Variants in RAPGEF2 observed in about 807,000 individuals in gnomAD.
RAPGEF2 encodes Rap guanine nucleotide exchange factor 2.
Under a neutral mutation model 186.7 loss-of-function variants are expected in RAPGEF2, and 54 were observed. That is an observed-to-expected ratio of 0.29 (90% confidence interval 0.23 to 0.36). RAPGEF2 has a LOEUF of 0.36. Among genes scored for constraint, RAPGEF2 ranks in the 10% least tolerant of loss-of-function variants. The pLI is 1.00. For missense variants in RAPGEF2, 1,532 were observed against 2,045.0 expected, an observed-to-expected ratio of 0.75 and a Z score of 4.84; for synonymous variants, 712 against 705.9, an observed-to-expected ratio of 1.01 and a Z score of -0.14.
At chr4:159,308,737 T>C (rs931541099) in intron 8 of RAPGEF2, among the ~76,000 whole-genome samples, 23 of 152,126 alleles carry the variant, frequency 1.5e-4, no homozygotes, top group African/African-American at 5.1e-4. Context: ...TCTTAGTCAT[T>C]CTTAATTACT....
At chr4:159,316,946 C>T (rs1473760232) in intron 9 of RAPGEF2, among the ~76,000 whole-genome samples, 2 of 152,180 alleles carry the variant, frequency 1.3e-5, no homozygotes, top group South Asian at 2.1e-4. Flanking sequence ...CATCCTTCCA[C>T]GAGATTTCCA....
rs144376230 is a variant in RAPGEF2, at chr4:159,268,585, G to A, written c.543+24794G>A. On this transcript the variant is annotated intron_variant, in intron 7 of 29. Transcript: ENST00000691494. ...AATCATCAGAAAGGTTATTGAGAACGGGAATCTATAGTGAGGAATTCGCAT... is the reference window on the plus strand; with the variant it reads ...AATCATCAGAAAGGTTATTGAGAACAGGAATCTATAGTGAGGAATTCGCAT... Among the ~76,000 whole-genome samples, 1,258 of 152,132 alleles carry A rather than the reference G, an allele frequency of 8.3e-3. 50 individuals are homozygous for A. The highest frequency in any genetic ancestry group is 0.075 in the Admixed American group (1,153 of 15,276).
chr4:159,114,713 A>G (rs967809270), intron 1 of RAPGEF2, among the ~76,000 whole-genome samples: 2 of 152,226 alleles, frequency 1.3e-5, no homozygotes, highest in African/African-American at 4.8e-5. Context: ...AGCAAAATAG[A>G]AAAATTGTGG....
chr4:159,345,857 T>A (rs1376477034), intron 24 of RAPGEF2, among the ~76,000 whole-genome samples: 10 of 152,168 alleles, frequency 6.6e-5, no homozygotes, highest in African/African-American at 2.4e-4. Context: ...GGCAGTTTTT[T>A]TTTTTTTCTA....
intron 8 of RAPGEF2, among the ~76,000 whole-genome samples, chr4:159,305,054 T>C (rs1018942754): frequency 6.6e-6 from 1 of 152,192 alleles, no homozygotes; most frequent in Non-Finnish European, 1.5e-5. Flanking sequence ...ATTGCATATA[T>C]GTACTGTACT....
intron 8 of RAPGEF2, among the ~76,000 whole-genome samples, chr4:159,311,931 T>G (rs564889055): frequency 4.6e-5 from 7 of 152,306 alleles, no homozygotes. Flanking sequence ...TTTGGTTTAG[T>G]AAATGTTATT....
intron 2 of RAPGEF2, 52 bp downstream of exon 2, chr4:159,186,764 T>G: frequency 9.7e-7 from 1 of 1,034,288 alleles, no homozygotes; most frequent in Non-Finnish European, 1.4e-6. Context: ...ATTTGAAGCA[T>G]GTAACAATTT....
At chr4:159,211,428 A>T (rs1750518166) in intron 4 of RAPGEF2, among the ~76,000 whole-genome samples, 1 of 152,204 alleles carries the variant, frequency 6.6e-6, no homozygotes, top group Non-Finnish European at 1.5e-5. Context: ...ATTTTAAATT[A>T]CTAAATAAAT....
intron 1 of RAPGEF2, among the ~76,000 whole-genome samples, chr4:159,170,741 T>G (rs1018204923): frequency 2.0e-5 from 3 of 152,230 alleles, no homozygotes; most frequent in Non-Finnish European, 2.9e-5. Context: ...TTGATTTTGT[T>G]GCCTTTACTT....
intron 9 of RAPGEF2, among the ~76,000 whole-genome samples, chr4:159,320,121 T>C (rs1255525967): frequency 6.6e-6 from 1 of 152,188 alleles, no homozygotes; most frequent in African/African-American, 2.4e-5. Context: ...TAGGTAATAG[T>C]ATCATAGTTT....
chr4:159,159,714 A>G (rs568749567), intron 1 of RAPGEF2, among the ~76,000 whole-genome samples: 2 of 152,360 alleles, frequency 1.3e-5, no homozygotes, highest in East Asian at 3.9e-4. Context: ...ATTCAAGATT[A>G]TAATAACAAT....
In RAPGEF2 at chr4:159,211,314, GGTT is replaced by G. The variant is rs200955975; in HGVS notation, c.281+732_281+734del. 4.5e-3 allele frequency among the ~76,000 whole-genome samples: 688 copies of G among 152,256 alleles called. 6 individuals are homozygous for G. Among genetic ancestry groups the G allele is most frequent in the African/African-American group, 0.015 (634 of 41,514 alleles). Reference sequence around the variant, plus strand: ...TTACATACATGATTGCCTAGATTCAGGTTCCCCAAGGGTGTCAGCTACTGAGTT... The same window carrying G: ...TTACATACATGATTGCCTAGATTCAGCCCCAAGGGTGTCAGCTACTGAGTT... On this transcript the variant is annotated intron_variant, in intron 4 of 29. Transcript: ENST00000691494.
At chr4:159,139,042 A>G (rs749280318) in intron 1 of RAPGEF2, among the ~76,000 whole-genome samples, 1 of 152,222 alleles carries the variant, frequency 6.6e-6, no homozygotes, top group Non-Finnish European at 1.5e-5. Context: ...TGAATATGGC[A>G]TAAGTCATAA....
intron 13 of RAPGEF2, chr4:159,330,736 T>C: frequency 2.4e-6 from 1 of 416,660 alleles, no homozygotes; most frequent in Middle Eastern, 6.2e-4. Flanking sequence ...GCCAATAAAT[T>C]GGCCACCAAA....
chr4:159,253,395 C>T (rs576015726), intron 7 of RAPGEF2, among the ~76,000 whole-genome samples: 66 of 152,192 alleles, frequency 4.3e-4, no homozygotes, highest in South Asian at 3.1e-3. Context: ...TGAATTTTGG[C>T]GCATTATACA....
chr4:159,261,914 G>A (rs767976771), intron 7 of RAPGEF2, among the ~76,000 whole-genome samples: 4 of 152,114 alleles, frequency 2.6e-5, no homozygotes, highest in Non-Finnish European at 5.9e-5. Context: ...TAATATTCAT[G>A]TAGGTCTTTA....
chr4:159,300,981 G>A (rs1426143113), intron 7 of RAPGEF2, among the ~76,000 whole-genome samples: 1 of 152,128 alleles, frequency 6.6e-6, no homozygotes, highest in Non-Finnish European at 1.5e-5. Flanking sequence ...GAGTGTCATG[G>A]CAGAGTCAAA....
At chr4:159,119,759 CTG>C (rs1210006163) in intron 1 of RAPGEF2, among the ~76,000 whole-genome samples, 1 of 152,132 alleles carries the variant, frequency 6.6e-6, no homozygotes, top group Non-Finnish European at 1.5e-5. Flanking sequence ...AAAACACTGT[CTG>C]TAATGTAAAT....
intron 25 of RAPGEF2, among the ~76,000 whole-genome samples, chr4:159,348,199 CGACAGAGCAA>C (rs1730621715): frequency 6.8e-6 from 1 of 147,964 alleles, no homozygotes; most frequent in African/African-American, 2.6e-5. Context: ...CCAGCCTGGG[CGACAGAGCAA>C]GACTCTGTCG....
Sources: gnomAD v4.1 joint callset for allele counts (sites outside exome capture counted in the v4.1 genomes callset) on GRCh38, gnomAD v4.1.1 for gene constraint, MANE v1.5 for transcripts, NCBI Gene and HGNC (gene_info 2026-07-23, HGNC 2026-07-21) for gene names.